ABCA13: variants seen among roughly 807,000 people sequenced by gnomAD.
ABCA13 encodes ATP binding cassette subfamily A member 13.
ABCA13 carries 476 observed loss-of-function variants against 478.7 expected under a neutral mutation model. The ratio of observed to expected loss-of-function variants is 0.99; its 90% CI spans 0.92 to 1.07. The LOEUF is 1.07. Ranked by LOEUF, ABCA13 falls within the 50% of genes least tolerant of loss-of-function variation. The pLI is 0.00. For missense variants in ABCA13, 6,060 were observed against 5,910.6 expected, an observed-to-expected ratio of 1.03 and a Z score of -0.83; for synonymous variants, 2,252 against 2,158.9, an observed-to-expected ratio of 1.04 and a Z score of -1.20.
intron 55 of ABCA13, among the ~76,000 whole-genome samples, chr7:48,556,076 A>T (rs1230417758): frequency 1.3e-5 from 2 of 151,688 alleles, no homozygotes; most frequent in Non-Finnish European, 3.0e-5. Context: ...GTTATTTGTG[A>T]TCATATTGTT....
rs1811926498 is a variant in ABCA13 at position 48,367,876 on chromosome 7, T to C, written c.10771T>C (p.Leu3591=). 6.3e-7 allele frequency: 1 copy of C among 1,580,100 alleles called. No homozygotes were observed. The highest frequency in any genetic ancestry group is 2.3e-5 in the East Asian group (1 of 43,618). The change falls in exon 32 of 62, where the codon TTG becomes CTG. Residue 3591 remains leucine, a synonymous_variant. Coordinates refer to ENST00000435803, the MANE Select transcript of ABCA13 (RefSeq NM_152701.5). ...GTCTGTGGCCAGCATGGTCAGAAAG[T>C]TGGTGTATGAGCAGGAGATACAGAT... is the stretch of plus-strand genomic sequence containing the variant. The part of the protein sequence containing the change: ...MVSVASMVRK[L]VYEQEIQIEE...
chr7:48,434,742 C>T (rs892559070), intron 42 of ABCA13, among the ~76,000 whole-genome samples: 2 of 151,806 alleles, frequency 1.3e-5, no homozygotes, highest in African/African-American at 4.8e-5. Flanking sequence ...TCCAGTATTC[C>T]CCACATCAGT....
intron 59 of ABCA13, among the ~76,000 whole-genome samples, chr7:48,636,055 C>T (rs954766812): frequency 2.0e-5 from 3 of 152,054 alleles, no homozygotes; most frequent in Non-Finnish European, 4.4e-5. Context: ...TGACTGTGCC[C>T]GTAAAATAGG....
intron 38 of ABCA13, among the ~76,000 whole-genome samples, chr7:48,392,933 T>TG (rs1260807683): frequency 6.6e-6 from 1 of 152,120 alleles, no homozygotes; most frequent in Non-Finnish European, 1.5e-5. Context: ...TTGGTCCACA[T>TG]GGGGGGCTGA....
intron 40 of ABCA13, among the ~76,000 whole-genome samples, chr7:48,411,042 T>TCTTTCTTC (rs1563208794): frequency 4.5e-5 from 5 of 111,650 alleles, no homozygotes; most frequent in African/African-American, 6.5e-5. Context: ...TTTCTTTCTT[T>TCTTTCTTC]CTTTCTTTTT....
intron 58 of ABCA13, 135 bp from the exon 59 acceptor site, chr7:48,615,150 C>A (rs10255431): frequency 0.4 from 172,092 of 426,664 alleles, 37,182 homozygotes; most frequent in African/African-American, 0.53. Flanking sequence ...GATTTGGTTA[C>A]CATGAGATTT....
chr7:48,282,201 A>G (rs569658610), intron 19 of ABCA13, among the ~76,000 whole-genome samples: 1 of 152,308 alleles, frequency 6.6e-6, no homozygotes, highest in African/African-American at 2.4e-5. Context: ...TCTCCTTTCA[A>G]TGCCACTGCT....
At chr7:48,302,229 C>T (rs972353587) in intron 23 of ABCA13, among the ~76,000 whole-genome samples, 2 of 152,210 alleles carry the variant, frequency 1.3e-5, no homozygotes, top group Admixed American at 6.5e-5. Flanking sequence ...GTTTCCTCTT[C>T]TCCTACTTGC....
chr7:48,588,830 A>G (rs951492921), intron 57 of ABCA13, among the ~76,000 whole-genome samples: 2 of 152,248 alleles, frequency 1.3e-5, no homozygotes, highest in Non-Finnish European at 2.9e-5. Context: ...AGTTCTCAAC[A>G]GAGAGACTAG....
intron 59 of ABCA13, among the ~76,000 whole-genome samples, chr7:48,625,860 T>A (rs2131613414): frequency 6.6e-6 from 1 of 152,326 alleles, no homozygotes; most frequent in Non-Finnish European, 1.5e-5. Context: ...GGAGATATTT[T>A]TAGATGGGTG....
intron 29 of ABCA13, among the ~76,000 whole-genome samples, chr7:48,341,216 T>C (rs1356760279): frequency 6.6e-6 from 1 of 152,192 alleles, no homozygotes; most frequent in Non-Finnish European, 1.5e-5. Context: ...GAAACACCTG[T>C]TCTCCATTGC....
At chr7:48,397,550 A>G (rs545305706) in intron 38 of ABCA13, among the ~76,000 whole-genome samples, 1 of 152,102 alleles carries the variant, frequency 6.6e-6, no homozygotes, top group East Asian at 1.9e-4. Flanking sequence ...ACTGGGGAAA[A>G]CCATGCTCAC....
intron 30 of ABCA13, among the ~76,000 whole-genome samples, chr7:48,351,791 A>G (rs1200622228): frequency 1.3e-5 from 2 of 152,262 alleles, no homozygotes; most frequent in Non-Finnish European, 2.9e-5. Flanking sequence ...GGCATAAAAT[A>G]GAATCCATGT....
intron 38 of ABCA13, among the ~76,000 whole-genome samples, chr7:48,401,462 T>G (rs1361621986): frequency 2.0e-5 from 3 of 152,196 alleles, no homozygotes; most frequent in Non-Finnish European, 4.4e-5. Context: ...TCCCATAGCA[T>G]GTTGATTATA....
Position 48,278,287 on chromosome 7 carries a change from T to G in ABCA13, c.7093T>G (p.Leu2365Val), listed in dbSNP as rs971779153. The G allele has an allele frequency of 6.2e-7, 1 of 1,612,686 alleles. No individual in the cohort carries two copies. Among genetic ancestry groups the G allele is most frequent in the Non-Finnish European group, 8.5e-7 (1 of 1,179,130 alleles). ...THQGLKFMQD[L>V]FNALLRETSM... is the part of the protein sequence containing the mutation. ...TCAAGGACTGAAGTTCATGCAAGAT[T>G]TATTTAATGCCCTTCTCAGGGAAAC... is the stretch of plus-strand genomic sequence containing the variant. Residue 2365 changes from leucine to valine, a missense_variant, in exon 18 of 62, where the codon TTA (leucine) becomes GTA (valine). Around this residue, in one of 3 missense-constraint regions of ABCA13, gnomAD observed 4,423 missense variants for 4,309.1 expected, o/e 1.03. Transcript: ENST00000435803.
chr7:48,352,100 T>C, intron 30 of ABCA13, 81 bp from the exon 31 acceptor site: 1 of 1,400,426 alleles, frequency 7.1e-7, no homozygotes, highest in Non-Finnish European at 9.7e-7. Flanking sequence ...CTGCAACTTT[T>C]CCTGTCTCAC....
rs1170741298 is a variant in ABCA13, at chr7:48,298,479, C to T, written c.9313C>T (p.His3105Tyr). 1 of 1,612,744 alleles carries T rather than the reference C, an allele frequency of 6.2e-7. No homozygotes were observed. The highest frequency in any genetic ancestry group is 2.2e-5 in the East Asian group (1 of 44,858). Reference sequence around the variant, plus strand: ...TAGCATTCTAGAAGCAAATATTTCCCACTCCAAGGTGTGGTGCTGTTTCTT... The same window carrying T: ...TAGCATTCTAGAAGCAAATATTTCCTACTCCAAGGTGTGGTGCTGTTTCTT... The part of the protein sequence containing the change: ...IHSILEANIS[H>Y]SKVLFSALTV... The change falls in exon 23 of 62, where the codon CAC becomes TAC. Residue 3105 changes from histidine to tyrosine, a missense_variant. His to Tyr is a moderately conservative substitution (Grantham distance 83, BLOSUM62 2). Around this residue, in one of 3 missense-constraint regions of ABCA13, gnomAD observed 4,423 missense variants for 4,309.1 expected, o/e 1.03. Coordinates refer to ENST00000435803, the MANE Select transcript of ABCA13 (RefSeq NM_152701.5).
intron 45 of ABCA13, among the ~76,000 whole-genome samples, chr7:48,478,466 A>G (rs1247747516): frequency 6.6e-6 from 1 of 152,006 alleles, no homozygotes; most frequent in Non-Finnish European, 1.5e-5. Flanking sequence ...GAGAAAAGGC[A>G]TATGAATTCT....
intron 1 of ABCA13, among the ~76,000 whole-genome samples, chr7:48,180,390 T>C (rs1292033638): frequency 6.6e-6 from 1 of 152,158 alleles, no homozygotes; most frequent in East Asian, 1.9e-4. Context: ...AACATACTAC[T>C]CTTGATACAT....
Sources: gnomAD v4.1 joint callset for allele counts (sites outside exome capture counted in the v4.1 genomes callset) on GRCh38, gnomAD v4.1.1 for gene constraint, gnomAD v4.1.1 regional missense constraint, MANE v1.5 for transcripts, NCBI Gene and HGNC (gene_info 2026-07-23, HGNC 2026-07-21) for gene names.